The following GFRA2 variants were observed in gnomAD, a reference collection of about 807,000 sequenced individuals.
GFRA2 encodes GDNF family receptor alpha-2.
A neutral mutation model predicts 48.3 loss-of-function variants in GFRA2; 17 were observed. That is an observed-to-expected ratio of 0.35 (90% CI 0.24 to 0.53). GFRA2 has a LOEUF of 0.53. Ranked by LOEUF, GFRA2 falls within the 20% of genes least tolerant of loss-of-function variation. GFRA2 has a pLI of 0.93. For synonymous variants in GFRA2, 305 were observed against 257.2 expected, an observed-to-expected ratio of 1.19 and a Z score of -1.78; for missense variants, 660 against 637.3, an observed-to-expected ratio of 1.04 and a Z score of -0.38.
intron 3 of GFRA2, among the ~76,000 whole-genome samples, chr8:21,752,903 A>G (rs930380278): frequency 4.0e-5 from 6 of 151,804 alleles, no homozygotes; most frequent in African/African-American, 1.4e-4. Flanking sequence ...GAATCCAGAC[A>G]CTTCTCACCA....
chr8:21,788,474 C>T lies in GFRA2; in HGVS notation c.-315G>A. 9.1e-7 allele frequency: 1 copy of T among 1,103,494 alleles called. No homozygotes were observed. Among genetic ancestry groups the T allele is most frequent in the Non-Finnish European group, 1.1e-6 (1 of 907,068 alleles). 68.4% of individuals were successfully genotyped at this position (1,103,494 alleles called of 1,614,324 possible). A position where few individuals can be genotyped will look rare whatever the true frequency, so the allele number is the denominator to read the frequency against. ...CCTGGGGTCAGCCCTCCCCTCCAAT[C>T]GTCCGGGAAGGCGTGAGTCCCCGCG... On this transcript the variant is annotated 5_prime_UTR_variant, in exon 1 of 9. Coordinates refer to ENST00000524240, the MANE Select transcript of GFRA2 (RefSeq NM_001495.5).
At chr8:21,731,501 G>A (rs901553233) in intron 4 of GFRA2, among the ~76,000 whole-genome samples, 2 of 151,862 alleles carry the variant, frequency 1.3e-5, no homozygotes, top group African/African-American at 2.4e-5. Flanking sequence ...ATCTAAAAGG[G>A]CTCCGGCAAA....
intron 4 of GFRA2, among the ~76,000 whole-genome samples, chr8:21,742,142 T>C (rs937449520): frequency 1.3e-5 from 2 of 152,104 alleles, no homozygotes; most frequent in Non-Finnish European, 2.9e-5. Flanking sequence ...AGGGGAAGTC[T>C]AGATGTTATG....
intron 7 of GFRA2, among the ~76,000 whole-genome samples, chr8:21,700,705 A>T (rs551878344): frequency 1.1e-4 from 16 of 152,252 alleles, no homozygotes; most frequent in African/African-American, 3.9e-4. Flanking sequence ...ACTGGCTACC[A>T]TCTCTGGGGT....
At chr8:21,767,885 A>G (rs939015099) in intron 3 of GFRA2, among the ~76,000 whole-genome samples, 11 of 152,312 alleles carry the variant, frequency 7.2e-5, no homozygotes, top group South Asian at 4.1e-4. Flanking sequence ...TGAAGTCACC[A>G]ACACCCTGCT....
At position 21,788,467 on chromosome 8, in the gene GFRA2, C is replaced by A; in HGVS notation, c.-308G>T. The A allele has an allele frequency of 1.8e-6, 2 of 1,119,248 alleles. No individual in the cohort carries two copies. The highest frequency in any genetic ancestry group is 2.2e-6 in the Non-Finnish European group (2 of 916,964). The allele number at this position is 1,119,248 out of a possible 1,614,324, so 69.3% of individuals were successfully genotyped here. ...GCCCAGTCCTGGGGTCAGCCCTCCC[C>A]TCCAATCGTCCGGGAAGGCGTGAGT... On this transcript the variant is annotated 5_prime_UTR_variant, in exon 1 of 9. The change creates a new upstream start codon in the 5' untranslated region. Coordinates refer to ENST00000524240, the MANE Select transcript of GFRA2 (RefSeq NM_001495.5).
chr8:21,710,952 C>A (rs1802992094), intron 4 of GFRA2, among the ~76,000 whole-genome samples: 1 of 152,224 alleles, frequency 6.6e-6, no homozygotes, highest in African/African-American at 2.4e-5. Context: ...CTCTCTGCCC[C>A]TCCACGTGTG....
At chr8:21,720,502 A>G (rs1260739932) in intron 4 of GFRA2, among the ~76,000 whole-genome samples, 2 of 152,172 alleles carry the variant, frequency 1.3e-5, no homozygotes, top group East Asian at 3.9e-4. Flanking sequence ...AAGTCCCTGA[A>G]GGAGAAGTCC....
At chr8:21,746,901 A>G (rs1805034168) in intron 4 of GFRA2, among the ~76,000 whole-genome samples, 1 of 152,064 alleles carries the variant, frequency 6.6e-6, no homozygotes, top group African/African-American at 2.4e-5. Context: ...CCCCCATCTC[A>G]GGGCTGCAGG....
intron 4 of GFRA2, among the ~76,000 whole-genome samples, chr8:21,732,276 T>C (rs1273191218): frequency 1.3e-5 from 2 of 152,178 alleles, no homozygotes; most frequent in African/African-American, 4.8e-5. Flanking sequence ...TGTCTGTCAC[T>C]AAGAAGAGGC....
chr8:21,790,052 T>G (rs1404751721), upstream of GFRA2: 3 of 984,626 alleles, frequency 3.0e-6, no homozygotes, highest in Admixed American at 1.8e-4. Context: ...GATCCATCTG[T>G]CGGTGGGCCG....
At chr8:21,764,447 T>C (rs1286959101) in intron 3 of GFRA2, among the ~76,000 whole-genome samples, 2 of 152,256 alleles carry the variant, frequency 1.3e-5, no homozygotes, top group Non-Finnish European at 2.9e-5. Flanking sequence ...TATAAATTTG[T>C]TGGGCAGCAG....
At chr8:21,712,301 G>A (rs1004756661) in intron 4 of GFRA2, among the ~76,000 whole-genome samples, 2 of 151,210 alleles carry the variant, frequency 1.3e-5, no homozygotes, top group Non-Finnish European at 2.9e-5. Context: ...AGGGCGGCCG[G>A]GCAGAGATGC....
At chr8:21,769,286 T>C in intron 3 of GFRA2, 2 of 306,676 alleles carry the variant, frequency 6.5e-6, no homozygotes, top group Non-Finnish European at 8.7e-6. Flanking sequence ...CCATGATCGA[T>C]TCCTGCACAC....
At chr8:21,733,042 G>T (rs556693813) in intron 4 of GFRA2, among the ~76,000 whole-genome samples, 1 of 152,210 alleles carries the variant, frequency 6.6e-6, no homozygotes, top group East Asian at 1.9e-4. Context: ...GCCTTGGGCT[G>T]TGAGTGCGAT....
intron 7 of GFRA2, among the ~76,000 whole-genome samples, chr8:21,697,068 G>A (rs1338631179): frequency 1.0e-3 from 4 of 3,896 alleles, no homozygotes; most frequent in Admixed American, 2.9e-3. Context: ...GAAGGGGACC[G>A]AGGAGGGTAG....
At chr8:21,696,449 G>T (rs1802179477) in intron 7 of GFRA2, among the ~76,000 whole-genome samples, 1 of 152,208 alleles carries the variant, frequency 6.6e-6, no homozygotes, top group African/African-American at 2.4e-5. Context: ...AATAAGGCTT[G>T]AGAAAACAAC....
chr8:21,796,975 CATGGGAA>C (rs1445481992), intron 2 of GFRA2, among the ~76,000 whole-genome samples: 1 of 152,192 alleles, frequency 6.6e-6, no homozygotes, highest in Non-Finnish European at 1.5e-5. Context: ...GTATCTCTCA[CATGGGAA>C]GATGTATAGT....
intron 3 of GFRA2, among the ~76,000 whole-genome samples, chr8:21,762,384 T>C (rs1805958457): frequency 6.6e-6 from 1 of 152,212 alleles, no homozygotes; most frequent in African/African-American, 2.4e-5. Flanking sequence ...CCTACTGCTC[T>C]GTAGGTCAGG....
Sources: allele counts gnomAD v4.1 joint callset (sites outside exome capture counted in the v4.1 genomes callset), GRCh38; gene constraint gnomAD v4.1.1; transcripts MANE v1.5; gene names NCBI Gene and HGNC (gene_info 2026-07-23, HGNC 2026-07-21).